SWT1: variants seen among roughly 807,000 people sequenced by gnomAD.
The protein encoded by SWT1 is transcriptional protein SWT1.
A neutral mutation model predicts 107.3 loss-of-function variants in SWT1; 33 were observed. The ratio of observed to expected loss-of-function variants is 0.31; its 90% CI spans 0.23 to 0.41. The LOEUF (loss-of-function observed/expected upper bound fraction) is 0.41, where lower values mean the gene tolerates loss of function less well. Among genes scored for constraint, SWT1 ranks in the 10% least tolerant of loss-of-function variants. The probability of loss-of-function intolerance (pLI) is 1.00; values close to 1 mark genes in which losing one functional copy is unlikely to be tolerated. For missense variants in SWT1, 898 were observed against 1,028.9 expected (o/e 0.87, Z 1.74); for synonymous variants, 345 against 348.3 (o/e 0.99, Z 0.11).
Position 185,202,684 on chromosome 1 carries a change from A to T in SWT1, c.1554A>T (p.Leu518=), listed in dbSNP as rs17852825. 5.6e-6 allele frequency: 9 copies of T among 1,608,902 alleles called. No homozygotes were observed. In the African/African-American group the frequency reaches 8.0e-5, roughly 14 times the overall value. Residue 518 remains leucine (L), a synonymous_variant, in exon 11 of 19, where the codon CTA becomes CTT. Transcript: ENST00000367500. ...TDDRNLRNKG[L]ISGVKSLSKE... ...ATAGAAACTTAAGAAACAAAGGCCT[A>T]ATAAGTGGTGTGAAGTCACTCAGTA...
intron 16 of SWT1, among the ~76,000 whole-genome samples, chr1:185,269,367 G>GTTTTGTTT (rs1663668651): frequency 7.5e-6 from 1 of 132,498 alleles, no homozygotes; most frequent in East Asian, 2.0e-4. Context: ...GGGTTAAGAG[G>GTTTTGTTT]TTTTTGTTTT....
intron 4 of SWT1, among the ~76,000 whole-genome samples, chr1:185,169,890 TGATCATGGTAAGG>T (rs1415790257): frequency 6.6e-6 from 1 of 152,108 alleles, no homozygotes; most frequent in Non-Finnish European, 1.5e-5. Flanking sequence ...AATGAGTTAA[TGATCATGGTAAGG>T]GACATTGCCA....
chr1:185,280,888 G>T (rs890358901), intron 18 of SWT1: 8 of 468,898 alleles, frequency 1.7e-5, no homozygotes, highest in African/African-American at 1.4e-4. Context: ...ACCCCCTGTT[G>T]CTTCTCAGTG....
rs146664882 is a variant in SWT1 at position 185,174,967 on chromosome 1, C to G, written c.820C>G (p.Gln274Glu). 3.2e-5 allele frequency: 52 copies of G among 1,613,938 alleles called. No individual in the cohort carries two copies. In the African/African-American group the frequency reaches 5.7e-4, roughly 18 times the overall value. Residue 274 changes from glutamine to glutamate, a missense_variant, in exon 5 of 19, where the codon CAG (glutamine) becomes GAG (glutamate). This residue lies in a region of SWT1 where 382 missense variants were observed against 362.4 expected (regional missense o/e 1.05). Coordinates refer to ENST00000367500, the MANE Select transcript of SWT1 (RefSeq NM_017673.7). The part of the protein sequence containing the change: ...QEEREYLESS[Q>E]VSLNVTRQKT... ...AGAAAGAGAATACCTGGAAAGCTCC[C>G]AGGTTTCATTAAATGTGACTAGGCA...
intron 16 of SWT1, among the ~76,000 whole-genome samples, chr1:185,236,897 A>G (rs1347214997): frequency 1.3e-5 from 2 of 152,230 alleles, no homozygotes; most frequent in African/African-American, 4.8e-5. Flanking sequence ...AAAAGTGGGC[A>G]AATGATATGA....
chr1:185,252,652 G>A (rs1156834612), intron 16 of SWT1, among the ~76,000 whole-genome samples: 3 of 151,940 alleles, frequency 2.0e-5, no homozygotes, highest in Admixed American at 2.0e-4. Flanking sequence ...TTGTAAATTT[G>A]CTTGAGTTCA....
chr1:185,221,074 C>G (rs991701925), intron 14 of SWT1, among the ~76,000 whole-genome samples: 4 of 152,144 alleles, frequency 2.6e-5, no homozygotes, highest in Non-Finnish European at 5.9e-5. Context: ...CACACACACA[C>G]ACACACACAC....
intron 13 of SWT1, among the ~76,000 whole-genome samples, chr1:185,211,852 T>C (rs1013571995): frequency 3.3e-5 from 5 of 152,302 alleles, no homozygotes; most frequent in Admixed American, 6.5e-5. Context: ...GTGGCACATA[T>C]ACACCATGGA....
chr1:185,231,854 C>A, intron 16 of SWT1, 146 bp downstream of exon 16: 1 of 589,450 alleles, frequency 1.7e-6, no homozygotes, highest in Non-Finnish European at 2.9e-6. Context: ...TCTTTTGTGG[C>A]ACTAAAGGAG....
At chr1:185,166,916 A>AT (rs1654623930) in intron 3 of SWT1, among the ~76,000 whole-genome samples, 1 of 151,640 alleles carries the variant, frequency 6.6e-6, no homozygotes, top group Non-Finnish European at 1.5e-5. Flanking sequence ...ATATATATAT[A>AT]TTTTTTTTGA....
In SWT1 at chr1:185,201,696, T is replaced by A. The variant is rs78779703; in HGVS notation, c.1524-958T>A. Reference sequence around the variant, plus strand: ...CTGCAGACTGGAGCTGTTCCTATTCTGCCATCTTGCCAGCTGCCAACCTAG... The same window carrying A: ...CTGCAGACTGGAGCTGTTCCTATTCAGCCATCTTGCCAGCTGCCAACCTAG... On this transcript the variant is annotated intron_variant, in intron 10 of 18. Transcript: ENST00000367500. Among the ~76,000 whole-genome samples, 903 of 152,302 alleles carry A rather than the reference T, an allele frequency of 5.9e-3. 34 individuals are homozygous for A. The East Asian group carries it at 0.096, about 16-fold the overall frequency.
chr1:185,257,407 A>G (rs1662647871), intron 16 of SWT1, among the ~76,000 whole-genome samples: 2 of 152,060 alleles, frequency 1.3e-5, no homozygotes, highest in Admixed American at 1.3e-4. Flanking sequence ...GTTTGATCTC[A>G]GACTGCTGTG....
intron 16 of SWT1, among the ~76,000 whole-genome samples, chr1:185,252,320 T>C (rs1351547868): frequency 6.6e-6 from 1 of 152,158 alleles, no homozygotes; most frequent in East Asian, 1.9e-4. Context: ...CTGGGTCAAA[T>C]GGTATTTCCA....
chr1:185,253,559 T>A (rs570547088), intron 16 of SWT1, among the ~76,000 whole-genome samples: 21,142 of 148,896 alleles, frequency 0.14, 1,974 homozygotes, highest in Middle Eastern at 0.21. Context: ...TGAATGGGAG[T>A]TCACTCATGA....
At chr1:185,173,867 A>T (rs1655312008) in intron 4 of SWT1, among the ~76,000 whole-genome samples, 1 of 152,078 alleles carries the variant, frequency 6.6e-6, no homozygotes, top group African/African-American at 2.4e-5. Context: ...AAAATTACAA[A>T]AATTAGCTAG....
intron 16 of SWT1, among the ~76,000 whole-genome samples, chr1:185,233,992 C>A (rs1035198251): frequency 2.0e-5 from 3 of 152,162 alleles, no homozygotes; most frequent in Admixed American, 6.5e-5. Context: ...GATCCACCCC[C>A]CTCAGCCTCC....
intron 16 of SWT1, chr1:185,262,248 A>C (rs1663069414): frequency 6.6e-6 from 1 of 151,968 alleles, no homozygotes; most frequent in Non-Finnish European, 1.5e-5. Context: ...ACCTGTTTGA[A>C]CCTCACAGGA....
At chr1:185,286,123 G>C (rs1384510918) in intron 18 of SWT1, among the ~76,000 whole-genome samples, 2 of 152,160 alleles carry the variant, frequency 1.3e-5, no homozygotes, top group African/African-American at 4.8e-5. Context: ...TGACAATGTA[G>C]ATCAGTTTGG....
chr1:185,257,005 G>T (rs1271821015), intron 16 of SWT1, among the ~76,000 whole-genome samples: 1 of 152,054 alleles, frequency 6.6e-6, no homozygotes, highest in Non-Finnish European at 1.5e-5. Flanking sequence ...TAACAGACAG[G>T]ACCCTCAGCT....
Sources: gnomAD v4.1 joint callset for allele counts (sites outside exome capture counted in the v4.1 genomes callset) on GRCh38, gnomAD v4.1.1 for gene constraint, gnomAD v4.1.1 regional missense constraint, MANE v1.5 for transcripts, NCBI Gene and HGNC (gene_info 2026-07-23, HGNC 2026-07-21) for gene names.